The following HMGCLL1 variants were observed in gnomAD, a reference collection of about 807,000 sequenced individuals.
The protein encoded by HMGCLL1 is 3-hydroxymethyl-3-methylglutaryl-CoA lyase, cytoplasmic.
A neutral mutation model predicts 39.1 loss-of-function variants in HMGCLL1; 36 were observed. The observed-to-expected ratio is 0.92, with a 90% CI of 0.71 to 1.22. The LOEUF (loss-of-function observed/expected upper bound fraction) is 1.22. Among genes scored for constraint, HMGCLL1 ranks in the 50% most tolerant of loss-of-function variants. The pLI is 0.00. For missense variants in HMGCLL1, 451 were observed against 416.5 expected (o/e 1.08, Z -0.72); for synonymous variants, 149 against 144.0 (o/e 1.03, Z -0.25).
intron 6 of HMGCLL1, among the ~76,000 whole-genome samples, chr6:55,496,909 T>C (rs1486317263): frequency 1.3e-5 from 2 of 152,182 alleles, no homozygotes; most frequent in Admixed American, 1.3e-4. Flanking sequence ...GATTTTTGAC[T>C]GTGCATGTGG....
At chr6:55,676,693 T>C in the HMGCLL1 span, among the ~76,000 whole-genome samples, 1 of 152,240 alleles carries the variant, frequency 6.6e-6, no homozygotes, top group Non-Finnish European at 1.5e-5. Context: ...CTTTCAAGAA[T>C]GCTTGAAACA....
intron 7 of HMGCLL1, among the ~76,000 whole-genome samples, chr6:55,477,284 TATATATAAAATAATATATATTATA>T (rs1765425451): frequency 1.2e-4 from 2 of 16,870 alleles, no homozygotes; most frequent in African/African-American, 1.2e-3. Context: ...TATTATATAT[TATATATAAAATAATATATATTATA>T]TATATAATAT....
At chr6:55,588,120 C>A in the HMGCLL1 span, among the ~76,000 whole-genome samples, 545 of 152,142 alleles carry the variant, frequency 3.6e-3, 7 homozygotes, top group Non-Finnish European at 1.3e-3. Context: ...AGCACCACAC[C>A]ACACCTATTC....
At chr6:55,569,759 A>T (rs1036273423) in intron 1 of HMGCLL1, among the ~76,000 whole-genome samples, 1 of 152,186 alleles carries the variant, frequency 6.6e-6, no homozygotes, top group African/African-American at 2.4e-5. Flanking sequence ...ATAAAAAATA[A>T]GGAGGGTATA....
intron 5 of HMGCLL1, among the ~76,000 whole-genome samples, chr6:55,507,222 C>G (rs9475324): frequency 0.68 from 102,202 of 151,344 alleles, 34,527 homozygotes; most frequent in Non-Finnish European, 0.7. Flanking sequence ...GAGGCTATAT[C>G]TGTGGGTTAA....
intron 1 of HMGCLL1, among the ~76,000 whole-genome samples, chr6:55,543,126 C>G (rs367935999): frequency 0.11 from 919 of 8,488 alleles, 47 homozygotes; most frequent in Admixed American, 0.13. Context: ...TAATATATAT[C>G]ATATATATGA....
rs534304648 is a variant in HMGCLL1 at position 55,445,725 on chromosome 6, C to T, written c.796-6166G>A. Among the ~76,000 whole-genome samples, 3 of 151,938 alleles carry T rather than the reference C, an allele frequency of 2.0e-5. No homozygotes were observed. In the East Asian group the frequency reaches 5.8e-4, roughly 29 times the overall value. On this transcript the variant is annotated intron_variant, in intron 7 of 8. Transcript: ENST00000274901. ...ACACAGCACAAACTTATGTTTGCAC[C>T]ATATATCACAAAAGCAAAACAGTTA...
the HMGCLL1 span, among the ~76,000 whole-genome samples, chr6:55,596,617 TG>T: frequency 6.6e-6 from 1 of 152,194 alleles, no homozygotes; most frequent in Non-Finnish European, 1.5e-5. Context: ...TCCTAAGATA[TG>T]GAAGTGGTTA....
intron 4 of HMGCLL1, among the ~76,000 whole-genome samples, chr6:55,514,817 AC>A (rs1239786575): frequency 2.6e-5 from 4 of 152,096 alleles, no homozygotes; most frequent in Non-Finnish European, 5.9e-5. Flanking sequence ...CTTTTTGTCA[AC>A]TTTATTCCTT....
intron 1 of HMGCLL1, among the ~76,000 whole-genome samples, chr6:55,543,461 CATATATATCATATATAATATAT>C (rs1769731161): frequency 2.2e-5 from 2 of 91,094 alleles, no homozygotes; most frequent in African/African-American, 9.6e-5. Context: ...TGATATATAT[CATATATATCATATATAATATAT>C]ATATGATATA....
chr6:55,590,492 C>A, the HMGCLL1 span, among the ~76,000 whole-genome samples: 1 of 152,062 alleles, frequency 6.6e-6, no homozygotes, highest in African/African-American at 2.4e-5. Flanking sequence ...TAGGCATGGG[C>A]AAGGTCTTCA....
At chr6:55,630,621 C>T in the HMGCLL1 span, among the ~76,000 whole-genome samples, 14 of 152,112 alleles carry the variant, frequency 9.2e-5, no homozygotes, top group East Asian at 2.5e-3. Context: ...CATGTAAATT[C>T]CCATGTATTG....
At chr6:55,458,044 A>G (rs1322425145) in intron 7 of HMGCLL1, among the ~76,000 whole-genome samples, 1 of 152,104 alleles carries the variant, frequency 6.6e-6, no homozygotes, top group Non-Finnish European at 1.5e-5. Flanking sequence ...AACATACTAA[A>G]CAATAAATAT....
At chr6:55,477,147 T>TAA (rs1221193670) in intron 7 of HMGCLL1, among the ~76,000 whole-genome samples, 3 of 64,596 alleles carry the variant, frequency 4.6e-5, no homozygotes, top group African/African-American at 1.3e-4. Flanking sequence ...AGATATAATA[T>TAA]ATATATTATA....
rs998842454 is a variant in HMGCLL1 at position 55,435,317 on chromosome 6, G to T, written c.*345C>A. The T allele has an allele frequency of 1.1e-5, 2 of 178,302 alleles. No individual in the cohort carries two copies. 11.0% of individuals were successfully genotyped at this position (178,302 alleles called of 1,614,324 possible). A position where few individuals can be genotyped will look rare whatever the true frequency, so the allele number is the denominator to read the frequency against. ...ACAATATGTACACAGTGTTAAGCCT[G>T]CTTGATTAAGTATTAACACAGTATT... On this transcript the variant is annotated 3_prime_UTR_variant, in exon 9 of 9. Coordinates refer to ENST00000274901, the MANE Select transcript of HMGCLL1 (RefSeq NM_001042406.2).
chr6:55,501,184 C>T (rs1005902821), intron 5 of HMGCLL1, among the ~76,000 whole-genome samples: 5 of 151,858 alleles, frequency 3.3e-5, no homozygotes, highest in Admixed American at 6.6e-5. Flanking sequence ...GTCACGCATG[C>T]GGCTACTTTC....
intron 6 of HMGCLL1, among the ~76,000 whole-genome samples, chr6:55,498,840 A>G (rs1766720567): frequency 6.6e-6 from 1 of 152,138 alleles, no homozygotes; most frequent in Non-Finnish European, 1.5e-5. Flanking sequence ...ATAACGGGCC[A>G]AAGTATGCAG....
At chr6:55,672,988 T>C in the HMGCLL1 span, among the ~76,000 whole-genome samples, 1 of 151,992 alleles carries the variant, frequency 6.6e-6, no homozygotes, top group African/African-American at 2.4e-5. Flanking sequence ...TATTAACAAC[T>C]CAGTTTATAT....
At chr6:55,608,879 C>T in the HMGCLL1 span, among the ~76,000 whole-genome samples, 2 of 152,184 alleles carry the variant, frequency 1.3e-5, no homozygotes, top group African/African-American at 4.8e-5. Flanking sequence ...CCAAGGTATC[C>T]AGGTTCTGTC....
Sources: allele counts gnomAD v4.1 joint callset (sites outside exome capture counted in the v4.1 genomes callset), GRCh38; gene constraint gnomAD v4.1.1; transcripts MANE v1.5; gene names NCBI Gene and HGNC (gene_info 2026-07-23, HGNC 2026-07-21).